PTPRT: variants seen among roughly 807,000 people sequenced by gnomAD.
PTPRT encodes protein tyrosine phosphatase receptor type T.
PTPRT carries 56 observed loss-of-function variants against 176.8 expected under a neutral mutation model. The ratio of observed to expected loss-of-function variants is 0.32; its 90% CI spans 0.26 to 0.40. PTPRT has a LOEUF of 0.40. Ranked by LOEUF, PTPRT falls within the 10% of genes least tolerant of loss-of-function variation. The pLI, the probability that PTPRT is intolerant of heterozygous loss-of-function variation, is 1.00. For synonymous variants in PTPRT, 783 were observed against 739.0 expected, an observed-to-expected ratio of 1.06 and a Z score of -0.96; for missense variants, 1,540 against 1,908.2, an observed-to-expected ratio of 0.81 and a Z score of 3.60.
chr20:43,055,599 C>A (rs776749704), intron 1 of PTPRT, among the ~76,000 whole-genome samples: 10 of 152,316 alleles, frequency 6.6e-5, no homozygotes, highest in African/African-American at 2.4e-4. Context: ...AGTGGAAGCA[C>A]AAAGAATAGA....
At position 42,730,639 on chromosome 20, in the gene PTPRT, CTG is replaced by C. The variant is rs532045042; in HGVS notation, c.859+25821_859+25822del. 3.7e-3 allele frequency among the ~76,000 whole-genome samples: 565 copies of C among 152,274 alleles called. 4 individuals carry two copies. Among genetic ancestry groups the C allele is most frequent in the African/African-American group, 0.013 (538 of 41,544 alleles). ...GTTCTGGTTCACTTTGTGGTAAACA[CTG>C]TGTAGTTCTGCTGCTGGAAGCACCC... On this transcript the variant is annotated intron_variant, in intron 6 of 30. Transcript: ENST00000373187.
At chr20:43,062,104 T>C (rs1350374717) in intron 1 of PTPRT, among the ~76,000 whole-genome samples, 1 of 152,196 alleles carries the variant, frequency 6.6e-6, no homozygotes, top group Non-Finnish European at 1.5e-5. Flanking sequence ...AAGGAAGGAC[T>C]GCAAAGAGGA....
At chr20:42,833,899 G>A (rs750287655) in intron 2 of PTPRT, among the ~76,000 whole-genome samples, 24 of 152,084 alleles carry the variant, frequency 1.6e-4, no homozygotes, top group Non-Finnish European at 2.9e-4. Context: ...AAACCTAAAT[G>A]TAAAATATAA....
intron 20 of PTPRT, 38 bp downstream of exon 20, chr20:42,119,897 A>G (rs759614862): frequency 3.8e-6 from 6 of 1,575,790 alleles, no homozygotes; most frequent in East Asian, 4.6e-5. Context: ...GGACCCCTGA[A>G]GCCTCTCTGA....
At chr20:42,439,113 C>G (rs914833037) in intron 9 of PTPRT, among the ~76,000 whole-genome samples, 1 of 152,128 alleles carries the variant, frequency 6.6e-6, no homozygotes, top group African/African-American at 2.4e-5. Flanking sequence ...ACCAGGGATG[C>G]CTGCATTTTT....
At chr20:42,180,481 C>T (rs532903049) in intron 16 of PTPRT, among the ~76,000 whole-genome samples, 1 of 152,300 alleles carries the variant, frequency 6.6e-6, no homozygotes, top group Admixed American at 6.5e-5. Context: ...TATGTCATAT[C>T]ATATAATGTA....
intron 13 of PTPRT, among the ~76,000 whole-genome samples, chr20:42,282,221 C>A (rs2057151447): frequency 6.6e-6 from 1 of 152,108 alleles, no homozygotes; most frequent in East Asian, 1.9e-4. Flanking sequence ...CATCACTCCA[C>A]TGATCAAAGT....
intron 7 of PTPRT, among the ~76,000 whole-genome samples, chr20:42,583,639 G>A (rs1408454713): frequency 6.6e-6 from 1 of 151,952 alleles, no homozygotes; most frequent in Non-Finnish European, 1.5e-5. Flanking sequence ...CACACACAGA[G>A]GCATATCATG....
intron 22 of PTPRT, among the ~76,000 whole-genome samples, chr20:42,113,312 G>A (rs1330018731): frequency 5.3e-5 from 8 of 152,332 alleles, no homozygotes; most frequent in South Asian, 2.1e-4. Context: ...CTCCCTGCCC[G>A]TGTCGCCAGT....
Position 42,084,848 on chromosome 20 carries a change from G to A in PTPRT, c.3973-3C>T. ...ACTATACGATAACCATCCTGTGGCT[G>A]AGAACAGAGAGGCTGTTAGGGCTGT... On this transcript the variant is annotated splice_polypyrimidine_tract_variant and splice_region_variant and intron_variant, in intron 28 of 30. Coordinates refer to ENST00000373187, the MANE Select transcript of PTPRT (RefSeq NM_007050.6). 2 of 1,417,174 alleles carry A rather than the reference G, an allele frequency of 1.4e-6. No homozygotes were observed. The highest frequency in any genetic ancestry group is 1.9e-6 in the Non-Finnish European group (2 of 1,067,900). The allele number at this position is 1,417,174 out of a possible 1,614,324, so 87.8% of individuals were successfully genotyped here. A position where few individuals can be genotyped will look rare whatever the true frequency, so the allele number is the denominator to read the frequency against.
chr20:42,298,360 A>T (rs6065458), intron 12 of PTPRT, among the ~76,000 whole-genome samples: 151,264 of 152,324 alleles, frequency 0.99, 75,110 homozygotes, highest in East Asian at 1. Context: ...TTTACAAGGC[A>T]GTGAGGAAAC....
At chr20:42,278,120 T>TAAAAAATATAA (rs1455163878) in intron 13 of PTPRT, among the ~76,000 whole-genome samples, 1 of 89,912 alleles carries the variant, frequency 1.1e-5, no homozygotes, top group African/African-American at 4.7e-5. Context: ...TATATATATA[T>TAAAAAATATAA]ATATATATAT....
chr20:42,666,723 T>G (rs1410612122), intron 7 of PTPRT, among the ~76,000 whole-genome samples: 1 of 152,246 alleles, frequency 6.6e-6, no homozygotes, highest in Non-Finnish European at 1.5e-5. Context: ...GTTTGTATTT[T>G]CATATACATG....
At chr20:42,605,770 G>T (rs1210513428) in intron 7 of PTPRT, among the ~76,000 whole-genome samples, 1 of 152,210 alleles carries the variant, frequency 6.6e-6, no homozygotes, top group Non-Finnish European at 1.5e-5. Flanking sequence ...TCCTACAGGA[G>T]CCCAGAGCCT....
intron 12 of PTPRT, among the ~76,000 whole-genome samples, chr20:42,296,185 C>T (rs562787283): frequency 1.3e-5 from 2 of 152,320 alleles, no homozygotes; most frequent in East Asian, 3.9e-4. Flanking sequence ...CCCTGGCTTA[C>T]GCCTGTAATC....
chr20:42,740,477 G>A (rs2076592619), intron 6 of PTPRT, among the ~76,000 whole-genome samples: 1 of 152,186 alleles, frequency 6.6e-6, no homozygotes, highest in Admixed American at 6.5e-5. Flanking sequence ...GAGTCCTCCT[G>A]CCCTTAACTA....
chr20:43,148,485 C>T (rs1369833506), intron 1 of PTPRT, among the ~76,000 whole-genome samples: 1 of 152,154 alleles, frequency 6.6e-6, no homozygotes, highest in Non-Finnish European at 1.5e-5. Context: ...AACCCCAGCA[C>T]CCAGCACAGC....
At chr20:42,320,488 A>G (rs2057784940) in intron 11 of PTPRT, among the ~76,000 whole-genome samples, 1 of 152,190 alleles carries the variant, frequency 6.6e-6, no homozygotes, top group Admixed American at 6.5e-5. Context: ...TGTATGCTTT[A>G]GCTCACAGGT....
At chr20:42,797,437 C>T (rs2145572953) in intron 2 of PTPRT, among the ~76,000 whole-genome samples, 1 of 152,204 alleles carries the variant, frequency 6.6e-6, no homozygotes, top group Non-Finnish European at 1.5e-5. Context: ...ATAGGAAATT[C>T]CCCACTTCCT....
Sources: gnomAD v4.1 joint callset for allele counts (sites outside exome capture counted in the v4.1 genomes callset) on GRCh38, gnomAD v4.1.1 for gene constraint, MANE v1.5 for transcripts, NCBI Gene and HGNC (gene_info 2026-07-23, HGNC 2026-07-21) for gene names.